BMERB1: variants seen among roughly 807,000 people sequenced by gnomAD.
The protein encoded by BMERB1 is bMERB domain containing 1.
BMERB1 carries 12 observed loss-of-function variants against 23.6 expected under a neutral mutation model. The observed-to-expected ratio is 0.51, with a 90% CI of 0.33 to 0.82. The LOEUF (loss-of-function observed/expected upper bound fraction) is 0.82. Among genes scored for constraint, BMERB1 ranks in the 40% least tolerant of loss-of-function variants. The probability of loss-of-function intolerance (pLI) is 0.03; values close to 1 mark genes in which losing one functional copy is unlikely to be tolerated. For missense variants in BMERB1, 247 were observed against 255.4 expected (o/e 0.97, Z 0.22); for synonymous variants, 122 against 96.6 (o/e 1.26, Z -1.54).
chr16:15,451,733 A>ATT (rs71152429), intron 1 of BMERB1, among the ~76,000 whole-genome samples: 215 of 77,368 alleles, frequency 2.8e-3, no homozygotes, highest in Middle Eastern at 0.014. Context: ...TAGCTAACTA[A>ATT]TTTTTTTTTT....
chr16:15,531,992 C>T lies in BMERB1; in HGVS notation c.230+16564C>T, dbSNP rs568281751. On this transcript the variant is annotated intron_variant, in intron 2 of 5. Transcript: ENST00000300006. ...GCCTTGGTGTTTTGGGTCTACACAACCAGATTCCCGAGCACCCCCTTAAGG... is the reference window on the plus strand; with the variant it reads ...GCCTTGGTGTTTTGGGTCTACACAATCAGATTCCCGAGCACCCCCTTAAGG... 3.9e-5 allele frequency among the ~76,000 whole-genome samples: 6 copies of T among 152,314 alleles called. No individual in the cohort carries two copies. In the South Asian group the frequency reaches 1.2e-3, roughly 32 times the overall value.
chr16:15,489,370 G>T (rs2051397216), intron 1 of BMERB1, among the ~76,000 whole-genome samples: 1 of 152,134 alleles, frequency 6.6e-6, no homozygotes, highest in Admixed American at 6.5e-5. Flanking sequence ...GACCTTCCAG[G>T]AACGGGAAAT....
At chr16:15,525,177 A>G (rs963375733) in intron 2 of BMERB1, among the ~76,000 whole-genome samples, 4 of 152,184 alleles carry the variant, frequency 2.6e-5, no homozygotes, top group African/African-American at 9.7e-5. Context: ...AGGCCTGACT[A>G]CAACAGAAAG....
intron 2 of BMERB1, among the ~76,000 whole-genome samples, chr16:15,553,451 A>G (rs1412759354): frequency 6.6e-6 from 1 of 152,212 alleles, no homozygotes; most frequent in East Asian, 1.9e-4. Context: ...GTTCAGCAAA[A>G]TATTTCTGTA....
At chr16:15,573,944 C>T (rs953360475) in intron 3 of BMERB1, among the ~76,000 whole-genome samples, 1 of 140,170 alleles carries the variant, frequency 7.1e-6, no homozygotes, top group Non-Finnish European at 1.5e-5. Flanking sequence ...CTTATAAAAC[C>T]ATCAGATCTC....
chr16:15,512,012 C>CAAAAAAAAA lies in BMERB1; in HGVS notation c.107-3275_107-3267dup, dbSNP rs57021793. On this transcript the variant is annotated intron_variant, in intron 1 of 5. Coordinates refer to ENST00000300006, the MANE Select transcript of BMERB1 (RefSeq NM_033201.3). ...TGGGCAACAGAGCAAGACTTGCTCT[C>CAAAAAAAAA]AAAAAAAAAAAAAAAAAAAAAAAAA... Among the ~76,000 whole-genome samples, 157 of 61,102 alleles carry CAAAAAAAAA rather than the reference C, an allele frequency of 2.6e-3. 8 individuals carry two copies. Among genetic ancestry groups the CAAAAAAAAA allele is most frequent in the African/African-American group, 4.9e-3 (84 of 17,170 alleles). 40.1% of individuals were successfully genotyped at this position (61,102 alleles called of 152,430 possible). A position where few individuals can be genotyped will look rare whatever the true frequency, so the allele number is the denominator to read the frequency against.
intron 2 of BMERB1, among the ~76,000 whole-genome samples, chr16:15,523,261 C>G (rs1374582313): frequency 6.6e-6 from 1 of 152,052 alleles, no homozygotes; most frequent in Admixed American, 6.5e-5. Context: ...GTCTTCTTTG[C>G]CGATCTGCAG....
chr16:15,468,290 T>C (rs2051201390), intron 1 of BMERB1, among the ~76,000 whole-genome samples: 1 of 151,440 alleles, frequency 6.6e-6, no homozygotes, highest in African/African-American at 2.4e-5. Flanking sequence ...GGACTATAGG[T>C]GTGCACCTCC....
intron 3 of BMERB1, among the ~76,000 whole-genome samples, chr16:15,577,419 G>A (rs1489788638): frequency 6.6e-6 from 1 of 152,236 alleles, no homozygotes; most frequent in African/African-American, 2.4e-5. Context: ...ATACGAGTCT[G>A]AAGCAACTTG....
At chr16:15,438,052 C>T (rs997460188) in intron 1 of BMERB1, among the ~76,000 whole-genome samples, 1 of 152,074 alleles carries the variant, frequency 6.6e-6, no homozygotes, top group African/African-American at 2.4e-5. Context: ...AGAGGAACAG[C>T]TCCTGATCTG....
chr16:15,526,014 A>G (rs1030913390), intron 2 of BMERB1, among the ~76,000 whole-genome samples: 2 of 152,114 alleles, frequency 1.3e-5, no homozygotes, highest in African/African-American at 4.8e-5. Context: ...TCATGTGGCT[A>G]TTTCAGTTTA....
At chr16:15,578,511 A>C in intron 3 of BMERB1, among the ~76,000 whole-genome samples, 1 of 152,224 alleles carries the variant, frequency 6.6e-6, no homozygotes, top group South Asian at 2.1e-4. Context: ...AATAGAAGAG[A>C]TATAAACTGG....
At chr16:15,476,813 G>A (rs2051278743) in intron 1 of BMERB1, among the ~76,000 whole-genome samples, 1 of 152,150 alleles carries the variant, frequency 6.6e-6, no homozygotes, top group African/African-American at 2.4e-5. Flanking sequence ...GGGGGATACA[G>A]GATCAGCTTC....
intron 1 of BMERB1, among the ~76,000 whole-genome samples, chr16:15,497,881 G>A (rs757460377): frequency 8.5e-5 from 13 of 152,116 alleles, no homozygotes; most frequent in Non-Finnish European, 1.2e-4. Flanking sequence ...TCCTGCCCCC[G>A]GGTTCCTGTT....
At chr16:15,533,990 C>G (rs2051996096) in intron 2 of BMERB1, among the ~76,000 whole-genome samples, 1 of 152,116 alleles carries the variant, frequency 6.6e-6, no homozygotes, top group Non-Finnish European at 1.5e-5. Flanking sequence ...CTTCTCTGCT[C>G]CTAGGCTTGG....
intron 1 of BMERB1, among the ~76,000 whole-genome samples, chr16:15,495,000 C>T (rs2051459990): frequency 6.8e-6 from 1 of 147,150 alleles, no homozygotes; most frequent in East Asian, 2.1e-4. Context: ...TCTTGTGCCT[C>T]AGCCTCCAGA....
intron 1 of BMERB1, among the ~76,000 whole-genome samples, chr16:15,451,595 G>A (rs1485486879): frequency 9.0e-6 from 1 of 111,198 alleles, no homozygotes; most frequent in African/African-American, 3.5e-5. Context: ...AGCTCACTCT[G>A]TTACCGAGGC....
intron 1 of BMERB1, among the ~76,000 whole-genome samples, chr16:15,458,964 G>A (rs758065212): frequency 6.6e-6 from 1 of 151,912 alleles, no homozygotes; most frequent in Non-Finnish European, 1.5e-5. Flanking sequence ...AAAATTATCC[G>A]GGCGTGGTGG....
At chr16:15,563,015 G>A (rs2030466221) in intron 2 of BMERB1, among the ~76,000 whole-genome samples, 1 of 152,188 alleles carries the variant, frequency 6.6e-6, no homozygotes, top group Non-Finnish European at 1.5e-5. Flanking sequence ...AAGGCAAGGG[G>A]TCCTGCTGTG....
Sources: gnomAD v4.1 joint callset for allele counts (sites outside exome capture counted in the v4.1 genomes callset) on GRCh38, gnomAD v4.1.1 for gene constraint, MANE v1.5 for transcripts, NCBI Gene and HGNC (gene_info 2026-07-23, HGNC 2026-07-21) for gene names.